The following PREX1 variants were observed in gnomAD, a reference collection of about 807,000 sequenced individuals.
PREX1 encodes the protein phosphatidylinositol-3,4,5-trisphosphate dependent Rac exchange factor 1.
A neutral mutation model predicts 198.3 loss-of-function variants in PREX1; 41 were observed. The observed-to-expected ratio is 0.21, with a 90% CI of 0.16 to 0.27. The LOEUF is 0.27. Among genes scored for constraint, PREX1 ranks in the 10% least tolerant of loss-of-function variants. The pLI, the probability that PREX1 is intolerant of heterozygous loss-of-function variation, is 1.00. For missense variants in PREX1, 1,620 were observed against 2,200.7 expected (o/e 0.74, Z 5.28); for synonymous variants, 843 against 887.2 (o/e 0.95, Z 0.89).
At chr20:48,730,721 A>G (rs1415613169) in intron 4 of PREX1, among the ~76,000 whole-genome samples, 3 of 152,160 alleles carry the variant, frequency 2.0e-5, no homozygotes, top group African/African-American at 7.2e-5. Context: ...TGGACTGGGC[A>G]GAGTGACTCA....
intron 1 of PREX1, among the ~76,000 whole-genome samples, chr20:48,769,827 T>C (rs879694918): frequency 1.3e-5 from 2 of 152,198 alleles, no homozygotes; most frequent in Non-Finnish European, 2.9e-5. Context: ...TTTTGCTTCA[T>C]GTTTTTCCAT....
chr20:48,690,619 AG>A (rs1452183554), intron 9 of PREX1, among the ~76,000 whole-genome samples: 2 of 152,188 alleles, frequency 1.3e-5, no homozygotes, highest in African/African-American at 4.8e-5. Context: ...AATTAGATTC[AG>A]TGAATATCAA....
chr20:48,639,081 C>T (rs2089388215), intron 30 of PREX1, among the ~76,000 whole-genome samples: 1 of 152,252 alleles, frequency 6.6e-6, no homozygotes, highest in Non-Finnish European at 1.5e-5. Flanking sequence ...GCAGGAGTCT[C>T]AGACGCAAAT....
chr20:48,647,824 T>C (rs1245324872), intron 25 of PREX1, among the ~76,000 whole-genome samples: 2 of 152,162 alleles, frequency 1.3e-5, no homozygotes, highest in Non-Finnish European at 2.9e-5. Context: ...TGAACCCAGG[T>C]ATCCAACAGG....
chr20:48,847,053 G>A, the PREX1 span, among the ~76,000 whole-genome samples: 1 of 152,094 alleles, frequency 6.6e-6, no homozygotes, highest in Non-Finnish European at 1.5e-5. Flanking sequence ...TAGGTTCAGC[G>A]GTGGGTGGAA....
chr20:48,724,262 G>A (rs1459112217), intron 5 of PREX1, among the ~76,000 whole-genome samples: 1 of 152,116 alleles, frequency 6.6e-6, no homozygotes, highest in East Asian at 1.9e-4. Context: ...CTTTCTCTGT[G>A]CCTCAGCTGC....
chr20:48,732,700 A>G, intron 4 of PREX1, among the ~76,000 whole-genome samples: 1 of 152,168 alleles, frequency 6.6e-6, no homozygotes, highest in East Asian at 1.9e-4. Flanking sequence ...TCACATTTCT[A>G]GCTGGGCACA....
the PREX1 span, among the ~76,000 whole-genome samples, chr20:48,879,605 C>T: frequency 6.6e-6 from 1 of 152,284 alleles, no homozygotes; most frequent in South Asian, 2.1e-4. Context: ...TTAATATCAC[C>T]TCTGGGTACA....
At chr20:48,669,094 C>T (rs1737487794) in intron 14 of PREX1, among the ~76,000 whole-genome samples, 1 of 152,084 alleles carries the variant, frequency 6.6e-6, no homozygotes, top group African/African-American at 2.4e-5. Flanking sequence ...CCAGAGGAAG[C>T]CGCCACACAC....
chr20:48,788,324 C>T (rs1198734298), intron 1 of PREX1, among the ~76,000 whole-genome samples: 2 of 152,154 alleles, frequency 1.3e-5, no homozygotes, highest in Non-Finnish European at 2.9e-5. Context: ...TCAGAAATCT[C>T]AGTAGCAGAA....
At chr20:48,701,374 A>C (rs1456216861) in intron 6 of PREX1, among the ~76,000 whole-genome samples, 1 of 151,894 alleles carries the variant, frequency 6.6e-6, no homozygotes, top group Non-Finnish European at 1.5e-5. Context: ...CACCATGCCC[A>C]GCTAATTTTG....
the PREX1 span, among the ~76,000 whole-genome samples, chr20:48,887,311 AC>A: frequency 3.3e-4 from 51 of 152,312 alleles, 1 homozygote; most frequent in African/African-American, 1.2e-3. Context: ...AGTGGGTCAC[AC>A]CTGTAATCCC....
the PREX1 span, among the ~76,000 whole-genome samples, chr20:48,857,821 T>C: frequency 4.6e-5 from 7 of 152,120 alleles, no homozygotes; most frequent in East Asian, 1.3e-3. Context: ...TTAGTGGTGG[T>C]CAGTGAAGGG....
At chr20:48,818,460 T>C (rs139692627) in intron 1 of PREX1, among the ~76,000 whole-genome samples, 2,014 of 152,346 alleles carry the variant, frequency 0.013, 41 homozygotes, top group African/African-American at 0.046. Context: ...AAGTGAGATG[T>C]AACTGTAACT....
intron 3 of PREX1, 56 bp downstream of exon 3, chr20:48,744,969 G>A (rs199872658): frequency 7.3e-5 from 117 of 1,597,760 alleles, no homozygotes; most frequent in South Asian, 4.0e-4. Context: ...GGGACCCAGG[G>A]AGAAGCCCAC....
At chr20:48,810,425 A>T (rs1262778057) in intron 1 of PREX1, among the ~76,000 whole-genome samples, 2 of 151,854 alleles carry the variant, frequency 1.3e-5, no homozygotes, top group Non-Finnish European at 2.9e-5. Flanking sequence ...CTCTAAAAAA[A>T]ATTTTTTAAT....
chr20:48,816,488 A>G (rs1308375878), intron 1 of PREX1, among the ~76,000 whole-genome samples: 1 of 152,198 alleles, frequency 6.6e-6, no homozygotes, highest in Non-Finnish European at 1.5e-5. Context: ...TGACCTAATC[A>G]GGTAAAGCCT....
At chr20:48,764,891 G>A (rs901811455) in intron 1 of PREX1, among the ~76,000 whole-genome samples, 2 of 152,016 alleles carry the variant, frequency 1.3e-5, no homozygotes, top group Admixed American at 6.6e-5. Flanking sequence ...GGAGATGGAC[G>A]AGGCCACAAG....
the PREX1 span, among the ~76,000 whole-genome samples, chr20:48,853,432 C>T: frequency 2.7e-3 from 405 of 152,268 alleles, 1 homozygote; most frequent in Non-Finnish European, 2.9e-3. Flanking sequence ...TGAGTGCAAG[C>T]AGGGGAAATG....
Sources: gnomAD v4.1 joint callset for allele counts (sites outside exome capture counted in the v4.1 genomes callset) on GRCh38, gnomAD v4.1.1 for gene constraint, MANE v1.5 for transcripts, NCBI Gene and HGNC (gene_info 2026-07-23, HGNC 2026-07-21) for gene names.